Variants in LOXL2 observed in about 807,000 individuals in gnomAD.
LOXL2 encodes the protein lysyl oxidase like 2.
Under a neutral mutation model 93.0 loss-of-function variants are expected in LOXL2, and 70 were observed. The observed-to-expected ratio is 0.75, with a 90% CI of 0.62 to 0.92. The LOEUF (loss-of-function observed/expected upper bound fraction) is 0.92. Ranked by LOEUF, LOXL2 falls within the 40% of genes least tolerant of loss-of-function variation. The pLI, the probability that LOXL2 is intolerant of heterozygous loss-of-function variation, is 0.00. For synonymous variants in LOXL2, 438 were observed against 413.2 expected (o/e 1.06, Z -0.73); for missense variants, 973 against 1,054.9 (o/e 0.92, Z 1.08).
At chr8:23,317,564 A>G (rs1172450920) in intron 8 of LOXL2, among the ~76,000 whole-genome samples, 1 of 149,954 alleles carries the variant, frequency 6.7e-6, no homozygotes, top group Non-Finnish European at 1.5e-5. Flanking sequence ...GTGGGAGAGA[A>G]GAAGAAATCT....
chr8:23,366,003 G>T (rs1357833632), intron 2 of LOXL2: 1 of 152,266 alleles, frequency 6.6e-6, no homozygotes, highest in Non-Finnish European at 1.5e-5. Context: ...TCCCACCTGG[G>T]TAAAAACCTG....
intron 3 of LOXL2, among the ~76,000 whole-genome samples, chr8:23,359,296 T>C (rs1026211244): frequency 2.0e-4 from 30 of 152,172 alleles, no homozygotes; most frequent in African/African-American, 4.1e-4. Context: ...GTCTGTGTGA[T>C]CCATAGAATA....
At chr8:23,388,620 T>TAC (rs1804797420) in intron 1 of LOXL2, among the ~76,000 whole-genome samples, 3 of 70,610 alleles carry the variant, frequency 4.2e-5, no homozygotes, top group South Asian at 1.1e-3. Flanking sequence ...GCAAAAAATA[T>TAC]ACTCACACAC....
At chr8:23,338,047 G>A (rs1427098460) in intron 4 of LOXL2, among the ~76,000 whole-genome samples, 4 of 152,190 alleles carry the variant, frequency 2.6e-5, no homozygotes, top group African/African-American at 9.7e-5. Context: ...TCACCATCAT[G>A]GCAGAAGGTG....
chr8:23,331,214 G>T (rs1383410229), intron 5 of LOXL2, among the ~76,000 whole-genome samples: 1 of 152,124 alleles, frequency 6.6e-6, no homozygotes, highest in African/African-American at 2.4e-5. Context: ...AGAGGGAGGG[G>T]ACAGGAGAGG....
Position 23,392,027 on chromosome 8 carries a change from T to C in LOXL2, c.-84+11927A>G, listed in dbSNP as rs369983886. The stretch of plus-strand genomic sequence containing the variant: ...GGCTCATGACAGCAGACCTCGCCCT[T>C]GGCTCTGTATACCTTTCGCATCTCC... On this transcript the variant is annotated intron_variant, in intron 1 of 13. Coordinates refer to ENST00000389131, the MANE Select transcript of LOXL2 (RefSeq NM_002318.3). 8.5e-5 allele frequency among the ~76,000 whole-genome samples: 13 copies of C among 152,332 alleles called. No individual in the cohort carries two copies. The East Asian group carries it at 1.7e-3, about 20-fold the overall frequency.
intron 1 of LOXL2, among the ~76,000 whole-genome samples, chr8:23,373,848 C>T (rs73224500): frequency 0.12 from 18,323 of 151,996 alleles, 1,370 homozygotes; most frequent in Admixed American, 0.17. Flanking sequence ...CACTGTCTCT[C>T]TCCCTCCCCT....
chr8:23,380,385 C>A (rs11780715), intron 1 of LOXL2, among the ~76,000 whole-genome samples: 16,869 of 71,922 alleles, frequency 0.23, 1,280 homozygotes, highest in Admixed American at 0.32. Flanking sequence ...GAGCGAGACT[C>A]CGTCTCAAAA....
chr8:23,376,423 G>A (rs1400240116), intron 1 of LOXL2, among the ~76,000 whole-genome samples: 8 of 152,244 alleles, frequency 5.3e-5, no homozygotes, highest in African/African-American at 1.2e-4. Context: ...GTCTCTGCCA[G>A]GCTTTGGTAT....
At chr8:23,350,592 A>G (rs953538634) in intron 3 of LOXL2, among the ~76,000 whole-genome samples, 2 of 151,986 alleles carry the variant, frequency 1.3e-5, no homozygotes, top group Admixed American at 1.3e-4. Flanking sequence ...AGCTGCTGGT[A>G]ACATTCTTTA....
intron 1 of LOXL2, among the ~76,000 whole-genome samples, chr8:23,376,640 A>G (rs1804597560): frequency 6.6e-6 from 1 of 152,050 alleles, no homozygotes; most frequent in Admixed American, 6.6e-5. Context: ...CTATTCAGGG[A>G]TTCAACTTCT....
chr8:23,333,216 G>A (rs1218391548), intron 5 of LOXL2, among the ~76,000 whole-genome samples, 185 bp downstream of exon 5: 1 of 152,118 alleles, frequency 6.6e-6, no homozygotes. Context: ...TGATGCTGGG[G>A]TATTCTTCTC....
chr8:23,400,475 C>G (rs182371562), intron 1 of LOXL2, among the ~76,000 whole-genome samples: 1 of 152,174 alleles, frequency 6.6e-6, no homozygotes, highest in Admixed American at 6.5e-5. Context: ...GTCTTTCCTA[C>G]AACACATGGG....
At chr8:23,320,632 G>A (rs1585348810) in intron 7 of LOXL2, among the ~76,000 whole-genome samples, 1 of 152,192 alleles carries the variant, frequency 6.6e-6, no homozygotes, top group Non-Finnish European at 1.5e-5. Flanking sequence ...AAGAGGCTGG[G>A]TATGGTAGCT....
At position 23,315,099 on chromosome 8, in the gene LOXL2, C is replaced by T. The variant is rs139459260; in HGVS notation, c.1636+1850G>A. Among the ~76,000 whole-genome samples, 124 of 152,272 alleles carry T rather than the reference C, an allele frequency of 8.1e-4. 1 individual carries two copies. Among genetic ancestry groups the T allele is most frequent in the Non-Finnish European group, 1.4e-3 (93 of 68,022 alleles). ...GAGGGGAGAGGAGGGGAAGCCACCG[C>T]AGGGCCACGTATCACTGTAGGGATC... On this transcript the variant is annotated intron_variant, in intron 9 of 13. Transcript: ENST00000389131.
chr8:23,383,646 GTTTTTTTTTTGTT>G (rs551584535), intron 1 of LOXL2, among the ~76,000 whole-genome samples: 33,746 of 116,368 alleles, frequency 0.29, 4,480 homozygotes, highest in East Asian at 0.4. Context: ...GCACTTTTAC[GTTTTTTTTTTGTT>G]TTTTTTTTTT....
intron 4 of LOXL2, chr8:23,336,495 C>T (rs907251584): frequency 6.6e-6 from 1 of 152,418 alleles, no homozygotes; most frequent in Non-Finnish European, 1.5e-5. Context: ...GTGAGGCAGC[C>T]TTGAGTGGAG....
chr8:23,351,475 A>C (rs924725931), intron 3 of LOXL2, among the ~76,000 whole-genome samples: 1 of 152,198 alleles, frequency 6.6e-6, no homozygotes, highest in Non-Finnish European at 1.5e-5. Flanking sequence ...TAAGCACCCA[A>C]TCACATTCTT....
intron 3 of LOXL2, among the ~76,000 whole-genome samples, chr8:23,350,771 A>G (rs1053565088): frequency 1.4e-4 from 18 of 132,080 alleles, no homozygotes; most frequent in African/African-American, 5.1e-4. Context: ...CTATAAATCA[A>G]AAGCTTTGTA....
Sources: gnomAD v4.1 joint callset for allele counts (sites outside exome capture counted in the v4.1 genomes callset) on GRCh38, gnomAD v4.1.1 for gene constraint, MANE v1.5 for transcripts, NCBI Gene and HGNC (gene_info 2026-07-23, HGNC 2026-07-21) for gene names.